MYO5A: variants seen among roughly 807,000 people sequenced by gnomAD.
MYO5A encodes the protein myosin VA.
Under a neutral mutation model 249.7 loss-of-function variants are expected in MYO5A, and 98 were observed. The observed-to-expected ratio is 0.39, with a 90% CI of 0.33 to 0.46. MYO5A has a LOEUF of 0.46. Ranked by LOEUF, MYO5A falls within the 20% of genes least tolerant of loss-of-function variation. MYO5A has a pLI of 0.98. For missense variants in MYO5A, 1,696 were observed against 2,308.8 expected, an observed-to-expected ratio of 0.73 and a Z score of 5.44; for synonymous variants, 778 against 810.6, an observed-to-expected ratio of 0.96 and a Z score of 0.68.
At chr15:52,513,662 C>T (rs901752817) in intron 1 of MYO5A, among the ~76,000 whole-genome samples, 5 of 151,672 alleles carry the variant, frequency 3.3e-5, no homozygotes, top group African/African-American at 1.2e-4. Context: ...AACTCCTGAC[C>T]CCAGGTGATC....
intron 18 of MYO5A, 43 bp downstream of exon 18, chr15:52,379,582 C>G: frequency 1.3e-6 from 2 of 1,562,100 alleles, no homozygotes; most frequent in South Asian, 1.1e-5. Flanking sequence ...GTCAGAACCA[C>G]AAGGCCTTCT....
At chr15:52,331,608 T>C (rs1307758599) in intron 34 of MYO5A, 12 of 904,570 alleles carry the variant, frequency 1.3e-5, no homozygotes, top group African/African-American at 1.8e-5. Flanking sequence ...GAGGTGTCAG[T>C]AGTGCTTCTT....
chr15:52,434,294 G>A (rs780963004), intron 1 of MYO5A, among the ~76,000 whole-genome samples: 6 of 152,150 alleles, frequency 3.9e-5, no homozygotes, highest in Non-Finnish European at 8.8e-5. Flanking sequence ...CACCGTGCCC[G>A]GCCCACAATT....
At position 52,311,227 on chromosome 15, in the gene MYO5A, G is replaced by A. The variant is rs796790399; in HGVS notation, c.*2469C>T. Reference sequence around the variant, plus strand: ...CAGCATGACCTGGAAGACCTGAGAAGATTCAGGGTGCACGTTGAGTCGTGC... The same window carrying A: ...CAGCATGACCTGGAAGACCTGAGAAAATTCAGGGTGCACGTTGAGTCGTGC... On this transcript the variant is annotated 3_prime_UTR_variant, in exon 42 of 42. Coordinates refer to ENST00000399233, the MANE Select transcript of MYO5A (RefSeq NM_001382347.1). 1 of 152,322 alleles carries A rather than the reference G, an allele frequency of 6.6e-6. No homozygotes were observed. Among genetic ancestry groups the A allele is most frequent in the Non-Finnish European group, 1.5e-5 (1 of 68,120 alleles). The allele number at this position is 152,322 out of a possible 1,614,324, so 9.4% of individuals were successfully genotyped here. A position where few individuals can be genotyped will look rare whatever the true frequency, so the allele number is the denominator to read the frequency against.
intron 1 of MYO5A, among the ~76,000 whole-genome samples, chr15:52,468,241 G>A (rs894106559): frequency 2.0e-5 from 3 of 152,188 alleles, no homozygotes; most frequent in Non-Finnish European, 4.4e-5. Flanking sequence ...GGCAGAGGCT[G>A]CAGTGAGCCG....
intron 27 of MYO5A, among the ~76,000 whole-genome samples, chr15:52,353,235 T>C (rs762742044): frequency 1.3e-5 from 2 of 152,228 alleles, no homozygotes; most frequent in South Asian, 4.1e-4. Flanking sequence ...CTACAGAGAA[T>C]GTTTTTATTC....
intron 3 of MYO5A, among the ~76,000 whole-genome samples, chr15:52,427,062 T>A (rs2075411239): frequency 6.6e-6 from 1 of 152,198 alleles, no homozygotes; most frequent in African/African-American, 2.4e-5. Flanking sequence ...TATCAACTTA[T>A]GCATACAAAG....
At chr15:52,352,476 A>G (rs2040001686) in intron 27 of MYO5A, among the ~76,000 whole-genome samples, 1 of 152,188 alleles carries the variant, frequency 6.6e-6, no homozygotes, top group Admixed American at 6.5e-5. Context: ...CAGTCCTTTC[A>G]ATGTGTTATA....
intron 1 of MYO5A, among the ~76,000 whole-genome samples, chr15:52,453,906 T>C (rs952559693): frequency 2.6e-5 from 4 of 151,906 alleles, no homozygotes; most frequent in Non-Finnish European, 5.9e-5. Flanking sequence ...AACATACTAC[T>C]AGAGAAAACT....
chr15:52,418,438 A>G (rs1341104080), intron 4 of MYO5A, among the ~76,000 whole-genome samples: 1 of 152,224 alleles, frequency 6.6e-6, no homozygotes, highest in African/African-American at 2.4e-5. Context: ...GAGACTAGAA[A>G]GGACACAATT....
At chr15:52,387,602 C>T (rs1054033661) in intron 14 of MYO5A, 27 of 492,670 alleles carry the variant, frequency 5.5e-5, no homozygotes, top group African/African-American at 4.3e-4. Flanking sequence ...GTCTCTGTGT[C>T]TCAGGTGCCT....
At chr15:52,424,020 G>A (rs904899514) in intron 4 of MYO5A, among the ~76,000 whole-genome samples, 3 of 152,192 alleles carry the variant, frequency 2.0e-5, no homozygotes, top group Non-Finnish European at 4.4e-5. Flanking sequence ...TTAGAGTCTA[G>A]CCACCCATGT....
At chr15:52,423,561 A>AG (rs1266879760) in intron 4 of MYO5A, among the ~76,000 whole-genome samples, 3 of 126,350 alleles carry the variant, frequency 2.4e-5, no homozygotes, top group Non-Finnish European at 3.3e-5. Flanking sequence ...TAAAAAAAAA[A>AG]AAAAAGAAAA....
At chr15:52,432,682 A>C (rs761443143) in intron 2 of MYO5A, among the ~76,000 whole-genome samples, 45 of 152,230 alleles carry the variant, frequency 3.0e-4, no homozygotes, top group Non-Finnish European at 5.4e-4. Context: ...CTAACAAAGC[A>C]GATGACCAAT....
intron 7 of MYO5A, 148 bp from the exon 8 acceptor site, chr15:52,407,547 T>C: frequency 2.4e-6 from 1 of 423,474 alleles, no homozygotes; most frequent in Non-Finnish European, 4.1e-6. Flanking sequence ...TGTATTTTAA[T>C]AAAAAATTAA....
intron 35 of MYO5A, among the ~76,000 whole-genome samples, 200 bp from the exon 36 acceptor site, chr15:52,328,206 C>G (rs891306793): frequency 6.6e-6 from 1 of 152,142 alleles, no homozygotes; most frequent in Non-Finnish European, 1.5e-5. Context: ...AACTCCCAAA[C>G]TGATATCTCC....
intron 1 of MYO5A, among the ~76,000 whole-genome samples, chr15:52,468,150 G>A (rs936696228): frequency 2.0e-5 from 3 of 152,086 alleles, no homozygotes; most frequent in African/African-American, 7.2e-5. Context: ...AGGAGTTGGA[G>A]ACCAGCCTGG....
intron 1 of MYO5A, among the ~76,000 whole-genome samples, chr15:52,520,487 G>A (rs2077595230): frequency 6.6e-6 from 1 of 152,190 alleles, no homozygotes; most frequent in Admixed American, 6.5e-5. Context: ...CCTAAAAAAA[G>A]CTGCCCTCAG....
At chr15:52,520,827 G>A (rs2077602919) in intron 1 of MYO5A, among the ~76,000 whole-genome samples, 2 of 152,176 alleles carry the variant, frequency 1.3e-5, no homozygotes, top group South Asian at 4.1e-4. Context: ...AATGTTTAAA[G>A]TAGAAATTCA....
Sources: gnomAD v4.1 joint callset for allele counts (sites outside exome capture counted in the v4.1 genomes callset) on GRCh38, gnomAD v4.1.1 for gene constraint, MANE v1.5 for transcripts, NCBI Gene and HGNC (gene_info 2026-07-23, HGNC 2026-07-21) for gene names.